SLC39A11: variants seen among roughly 807,000 people sequenced by gnomAD.
The protein encoded by SLC39A11 is solute carrier family 39 member 11, also known as zinc transporter ZIP11.
SLC39A11 carries 33 observed loss-of-function variants against 36.1 expected under a neutral mutation model. The observed-to-expected ratio is 0.91, with a 90% CI of 0.69 to 1.22. The LOEUF is 1.22. Among genes scored for constraint, SLC39A11 ranks in the 50% most tolerant of loss-of-function variants. The pLI, the probability that SLC39A11 is intolerant of heterozygous loss-of-function variation, is 0.00. For synonymous variants in SLC39A11, 166 were observed against 170.3 expected (o/e 0.97, Z 0.20); for missense variants, 432 against 430.3 (o/e 1.00, Z -0.03).
intron 7 of SLC39A11, among the ~76,000 whole-genome samples, chr17:72,674,948 T>C (rs2071186953): frequency 9.5e-6 from 1 of 105,012 alleles, no homozygotes; most frequent in Non-Finnish European, 2.0e-5. Context: ...GATCCTGAAG[T>C]GTCAAGTCGT....
intron 4 of SLC39A11, among the ~76,000 whole-genome samples, chr17:72,983,888 C>A (rs959771246): frequency 6.6e-6 from 1 of 152,070 alleles, no homozygotes; most frequent in Non-Finnish European, 1.5e-5. Context: ...ACCATCTGGG[C>A]AAGGCTCCAA....
At chr17:72,995,951 CTTT>C (rs1055269660) in intron 4 of SLC39A11, among the ~76,000 whole-genome samples, 11 of 152,098 alleles carry the variant, frequency 7.2e-5, no homozygotes, top group African/African-American at 2.7e-4. Context: ...TTCTGAACAT[CTTT>C]TTTTTAGATC....
intron 3 of SLC39A11, among the ~76,000 whole-genome samples, chr17:73,070,260 T>C (rs995159765): frequency 4.6e-5 from 7 of 152,134 alleles, no homozygotes; most frequent in African/African-American, 1.7e-4. Context: ...CCTGAAAGTA[T>C]GACAAATGCC....
At chr17:72,967,369 T>TGAGAGAGAGAGA (rs1398782916) in intron 4 of SLC39A11, among the ~76,000 whole-genome samples, 3 of 15,904 alleles carry the variant, frequency 1.9e-4, no homozygotes, top group Non-Finnish European at 5.9e-4. Flanking sequence ...ATAAGCATGC[T>TGAGAGAGAGAGA]CAGAGAGAGA....
chr17:72,838,639 AC>A lies in SLC39A11; in HGVS notation c.601+10994del, dbSNP rs1316710156. 5.9e-5 allele frequency among the ~76,000 whole-genome samples: 9 copies of A among 152,274 alleles called. No individual in the cohort carries two copies. The East Asian group carries it at 1.7e-3, about 29-fold the overall frequency. On this transcript the variant is annotated intron_variant, in intron 6 of 9. Transcript: ENST00000255559. The stretch of plus-strand genomic sequence containing the variant: ...CTCAGTGTGGAAGTGTAATTGACAG[AC>A]CTCCTAACTACCAGTGAGCGTGGGG...
chr17:72,753,488 T>G (rs2075233994), intron 6 of SLC39A11, among the ~76,000 whole-genome samples: 1 of 152,236 alleles, frequency 6.6e-6, no homozygotes, highest in Non-Finnish European at 1.5e-5. Flanking sequence ...TTATTCATTT[T>G]TATCACAGTC....
At chr17:73,034,695 T>C (rs186806688) in intron 3 of SLC39A11, among the ~76,000 whole-genome samples, 2 of 152,312 alleles carry the variant, frequency 1.3e-5, no homozygotes, top group East Asian at 3.9e-4. Context: ...CAGCATCACT[T>C]GAGAGACGTC....
intron 4 of SLC39A11, among the ~76,000 whole-genome samples, chr17:72,969,779 G>A (rs895605327): frequency 1.2e-4 from 18 of 152,166 alleles, no homozygotes; most frequent in Admixed American, 1.3e-4. Flanking sequence ...ATAGATGGGT[G>A]GCAGAGAGCT....
At chr17:72,661,016 G>A (rs1262729296) in intron 7 of SLC39A11, among the ~76,000 whole-genome samples, 3 of 152,238 alleles carry the variant, frequency 2.0e-5, no homozygotes, top group Non-Finnish European at 4.4e-5. Flanking sequence ...CAGACTGAGT[G>A]TGGAGAACAC....
intron 4 of SLC39A11, among the ~76,000 whole-genome samples, chr17:72,985,093 C>A (rs988223003): frequency 3.3e-5 from 5 of 152,210 alleles, no homozygotes; most frequent in African/African-American, 7.2e-5. Flanking sequence ...TTGTCTGGGG[C>A]CACACCTCCC....
intron 6 of SLC39A11, among the ~76,000 whole-genome samples, chr17:72,764,987 G>A (rs2075713525): frequency 6.6e-6 from 1 of 152,174 alleles, no homozygotes; most frequent in South Asian, 2.1e-4. Context: ...TCTTGGGCTT[G>A]GGCCAAGGTA....
At chr17:72,915,699 C>T (rs552069071) in intron 5 of SLC39A11, among the ~76,000 whole-genome samples, 14 of 152,324 alleles carry the variant, frequency 9.2e-5, no homozygotes, top group African/African-American at 3.4e-4. Context: ...GGGCGAAAGC[C>T]GAGCCAGTCT....
chr17:72,944,538 C>CAT (rs897593935), intron 5 of SLC39A11, among the ~76,000 whole-genome samples: 26 of 152,110 alleles, frequency 1.7e-4, no homozygotes, highest in Non-Finnish European at 3.2e-4. Context: ...TTCAAACACA[C>CAT]ACACACACAT....
At chr17:72,763,494 T>G (rs2144584625) in intron 6 of SLC39A11, among the ~76,000 whole-genome samples, 1 of 152,360 alleles carries the variant, frequency 6.6e-6, no homozygotes, top group African/African-American at 2.4e-5. Context: ...AACGGAACCC[T>G]TTTATTAGAT....
At chr17:73,068,641 G>A (rs2060070421) in intron 3 of SLC39A11, among the ~76,000 whole-genome samples, 1 of 152,270 alleles carries the variant, frequency 6.6e-6, no homozygotes, top group African/African-American at 2.4e-5. Context: ...CACAGTTCCT[G>A]TTGTAAGCTT....
intron 5 of SLC39A11, among the ~76,000 whole-genome samples, chr17:72,874,561 G>A (rs535621537): frequency 1.3e-5 from 2 of 152,320 alleles, no homozygotes; most frequent in South Asian, 4.1e-4. Flanking sequence ...CTCCCATTTT[G>A]CAGGTGAACA....
chr17:72,780,518 G>A (rs1368363904), intron 6 of SLC39A11, among the ~76,000 whole-genome samples: 3 of 115,202 alleles, frequency 2.6e-5, no homozygotes, highest in Non-Finnish European at 3.8e-5. Context: ...GGGCCCTGAA[G>A]ATGGGGGGCG....
chr17:72,984,273 C>G (rs1453987109), intron 4 of SLC39A11, among the ~76,000 whole-genome samples: 1 of 151,934 alleles, frequency 6.6e-6, no homozygotes, highest in Admixed American at 6.6e-5. Context: ...CAAACTCAGC[C>G]ACCCCAGGAT....
At chr17:72,867,788 A>G (rs199802972) in intron 5 of SLC39A11, among the ~76,000 whole-genome samples, 26 of 151,176 alleles carry the variant, frequency 1.7e-4, no homozygotes, top group Non-Finnish European at 3.4e-4. Context: ...ACACACACAC[A>G]CGCACACACA....
Sources: allele counts gnomAD v4.1 joint callset (sites outside exome capture counted in the v4.1 genomes callset), GRCh38; gene constraint gnomAD v4.1.1; transcripts MANE v1.5; gene names NCBI Gene and HGNC (gene_info 2026-07-23, HGNC 2026-07-21).